Variants in CMYA5 observed in about 807,000 individuals in gnomAD.
The protein encoded by CMYA5 is cardiomyopathy associated 5, also known as cardiomyopathy-associated protein 5.
A neutral mutation model predicts 318.9 loss-of-function variants in CMYA5; 246 were observed. The ratio of observed to expected loss-of-function variants is 0.77; its 90% CI spans 0.70 to 0.86. CMYA5 has a LOEUF of 0.86. Among genes scored for constraint, CMYA5 ranks in the 40% least tolerant of loss-of-function variants. CMYA5 has a pLI of 0.00. For synonymous variants in CMYA5, 1,641 were observed against 1,729.5 expected, an observed-to-expected ratio of 0.95 and a Z score of 1.27; for missense variants, 4,589 against 4,678.2, an observed-to-expected ratio of 0.98 and a Z score of 0.56.
intron 9 of CMYA5, among the ~76,000 whole-genome samples, chr5:79,766,244 G>T (rs60431728): frequency 2.6e-4 from 39 of 152,026 alleles, no homozygotes; most frequent in African/African-American, 9.4e-4. Flanking sequence ...GATTACAGGC[G>T]CATGCCACCA....
rs1827952365 is a variant in CMYA5 at position 79,732,918 on chromosome 5, C to T, written c.4153C>T (p.Arg1385Cys). The T allele has an allele frequency of 2.5e-6, 4 of 1,613,702 alleles. No individual in the cohort carries two copies. Among genetic ancestry groups the T allele is most frequent in the Non-Finnish European group, 3.4e-6 (4 of 1,179,800 alleles). Residue 1385 changes from arginine to cysteine, a missense_variant, in exon 2 of 13, where the codon CGT (arginine) becomes TGT (cysteine). This residue lies in a region of CMYA5 where 2,132 missense variants were observed against 2,131.3 expected (regional missense o/e 1.00). Transcript: ENST00000446378. ...TTCATCTCTTATCACTCCTGTAGAT[C>T]GTCCAGTCTTAACAAAAGTAGGAAA... Reference protein sequence around the residue: ...TDSSLITPVDRPVLTKVGKGE... With the variant: ...TDSSLITPVDCPVLTKVGKGE...
rs150476322 is a variant in CMYA5, at chr5:79,797,173, C to T, written c.11964-2197C>T. Among the ~76,000 whole-genome samples the T allele has an allele frequency of 2.6e-5, 4 of 152,272 alleles. No individual in the cohort carries two copies. In the East Asian group the frequency reaches 5.8e-4, roughly 22 times the overall value. On this transcript the variant is annotated intron_variant, in intron 12 of 12. Transcript: ENST00000446378. ...TTGCCCTTTGGTTCTTCTCTGCTGT[C>T]GGACTGTTCACCAACCATCCATTTA...
rs374841201 is a variant in CMYA5, at chr5:79,732,844, A to G, written c.4079A>G (p.Lys1360Arg). 73 of 1,613,786 alleles carry G rather than the reference A, an allele frequency of 4.5e-5. No homozygotes were observed. In the African/African-American group the frequency reaches 8.5e-4, roughly 19 times the overall value. ...TCAACAACTACAGCATCTGTAACTA[A>G]GCTTGATTCAAACTTAACCAGAGCA... ...SSSTTTASVT[K>R]LDSNLTRAVK... is the part of the protein sequence containing the mutation. Residue 1360 changes from lysine to arginine, a missense_variant, in exon 2 of 13, where the codon AAG becomes AGG. Around this residue, in one of 3 missense-constraint regions of CMYA5, gnomAD observed 2,132 missense variants for 2,131.3 expected, o/e 1.00. Transcript: ENST00000446378.
At chr5:79,720,351 T>C (rs1020962264) in intron 1 of CMYA5, among the ~76,000 whole-genome samples, 1 of 150,892 alleles carries the variant, frequency 6.6e-6, no homozygotes, top group Non-Finnish European at 1.5e-5. Flanking sequence ...AGCCAACTTA[T>C]CAATACAAAC....
chr5:79,798,115 A>G (rs1352385091), intron 12 of CMYA5, among the ~76,000 whole-genome samples: 4 of 151,994 alleles, frequency 2.6e-5, no homozygotes, highest in African/African-American at 4.8e-5. Context: ...TTATCTCCCC[A>G]CCACCGTGAA....
intron 2 of CMYA5, among the ~76,000 whole-genome samples, chr5:79,741,135 C>T (rs1300797699): frequency 1.3e-5 from 2 of 152,212 alleles, no homozygotes; most frequent in Non-Finnish European, 2.9e-5. Flanking sequence ...TCTTTGGCCT[C>T]CCAAAGTGCT....
Position 79,732,130 on chromosome 5 carries a change from A to G in CMYA5, c.3365A>G (p.Glu1122Gly). ...KQKTQAYLEP[E>G]SEDLIPSHLT... ...AAAACTCAAGCATATTTAGAGCCTG[A>G]GTCTGAAGACTTGATTCCTTCACAT... The change falls in exon 2 of 13, where the codon GAG becomes GGG. Residue 1122 changes from glutamate to glycine, a missense_variant. Glu to Gly is a moderately conservative substitution (Grantham distance 98). This residue lies in a region of CMYA5 where 2,132 missense variants were observed against 2,131.3 expected (regional missense o/e 1.00). Transcript: ENST00000446378. 1 of 1,613,990 alleles carries G rather than the reference A, an allele frequency of 6.2e-7. No individual in the cohort carries two copies. The highest frequency in any genetic ancestry group is 8.5e-7 in the Non-Finnish European group (1 of 1,179,872).
At position 79,737,392 on chromosome 5, in the gene CMYA5, C is replaced by T. The variant is rs150027467; in HGVS notation, c.8627C>T (p.Ala2876Val). 238 of 1,613,810 alleles carry T rather than the reference C, an allele frequency of 1.5e-4. No individual in the cohort carries two copies. In the Admixed American group the frequency reaches 2.2e-3, roughly 15 times the overall value. The change falls in exon 2 of 13, where the codon GCG becomes GTG. Residue 2876 changes from alanine (A) to valine (V), a missense_variant. Ala to Val is a moderately conservative substitution (Grantham distance 64, BLOSUM62 0). This residue lies in a region of CMYA5 where 2,431 missense variants were observed against 2,495.1 expected (regional missense o/e 0.97). Coordinates refer to ENST00000446378, the MANE Select transcript of CMYA5 (RefSeq NM_153610.5). ...VLVSKHHLEA[A>V]EDTRVKEPLS... ...GTTTCAAAGCACCACTTGGAGGCTG[C>T]GGAAGATACCCGTGTAAAGGAACCA...
chr5:79,757,208 A>AAG (rs1298250628), intron 6 of CMYA5, among the ~76,000 whole-genome samples: 1 of 151,974 alleles, frequency 6.6e-6, no homozygotes, highest in Non-Finnish European at 1.5e-5. Context: ...AAAAAAAAAA[A>AAG]AAAGCATGCT....
rs1408947037 is a variant in CMYA5 at position 79,717,905 on chromosome 5, T to TTC, written c.150-11009_150-11008insCT. Among the ~76,000 whole-genome samples, 9 of 46,924 alleles carry TTC rather than the reference T, an allele frequency of 1.9e-4. 1 individual carries two copies. In the East Asian group the frequency reaches 0.01, roughly 52 times the overall value. The allele number at this position is 46,924 out of a possible 152,430, so 30.8% of individuals were successfully genotyped here. A position where few individuals can be genotyped will look rare whatever the true frequency, so the allele number is the denominator to read the frequency against. ...AGCTATTTTTTTTTTTTTTTTTTTT[T>TTC]TGAGACGGAGTCTCGCTCTGTCGCC... On this transcript the variant is annotated intron_variant, in intron 1 of 12. Transcript: ENST00000446378.
At chr5:79,706,777 T>C (rs890844121) in intron 1 of CMYA5, among the ~76,000 whole-genome samples, 1 of 152,208 alleles carries the variant, frequency 6.6e-6, no homozygotes, top group Admixed American at 6.5e-5. Flanking sequence ...CAACCTGGCA[T>C]TGTCTTTACA....
chr5:79,701,475 G>A lies in CMYA5; in HGVS notation c.149+11419G>A, dbSNP rs373117032. Among the ~76,000 whole-genome samples, 13 of 151,592 alleles carry A rather than the reference G, an allele frequency of 8.6e-5. No individual in the cohort carries two copies. The South Asian group carries it at 2.7e-3, about 31-fold the overall frequency. ...CACATGTACTGAGAAAATATGTACA[G>A]CTATTACATATCAATAAAAATAAAT... On this transcript the variant is annotated intron_variant, in intron 1 of 12. Transcript: ENST00000446378.
At chr5:79,711,948 C>T (rs187591521) in intron 1 of CMYA5, among the ~76,000 whole-genome samples, 21 of 152,336 alleles carry the variant, frequency 1.4e-4, no homozygotes. Context: ...TCTTCACTCC[C>T]TCTTCGCATA....
Position 79,730,401 on chromosome 5 carries a change from C to T in CMYA5, c.1636C>T (p.Pro546Ser). 1 of 1,613,862 alleles carries T rather than the reference C, an allele frequency of 6.2e-7. No individual in the cohort carries two copies. Among genetic ancestry groups the T allele is most frequent in the African/African-American group, 1.3e-5 (1 of 75,034 alleles). Residue 546 changes from proline to serine, a missense_variant, in exon 2 of 13, where the codon CCC (proline) becomes TCC (serine). By Grantham distance (74) the Pro-to-Ser change is moderately conservative. Coordinates refer to ENST00000446378, the MANE Select transcript of CMYA5 (RefSeq NM_153610.5). Reference protein sequence around the residue: ...YPESPLVSEKPFPPHMSPEVE... With the variant: ...YPESPLVSEKSFPPHMSPEVE... ...AGAAAGCCCATTGGTTTCCGAGAAG[C>T]CCTTCCCACCACATATGTCCCCTGA...
chr5:79,785,167 C>T (rs1044249763), intron 9 of CMYA5, among the ~76,000 whole-genome samples: 3 of 151,932 alleles, frequency 2.0e-5, no homozygotes, highest in Admixed American at 6.5e-5. Flanking sequence ...TCTATTGATC[C>T]ATCTATTTAT....
intron 1 of CMYA5, among the ~76,000 whole-genome samples, chr5:79,692,839 A>C (rs905222816): frequency 6.6e-6 from 1 of 152,236 alleles, no homozygotes; most frequent in African/African-American, 2.4e-5. Flanking sequence ...TTCAGTATAA[A>C]TAATGATCCT....
At chr5:79,705,947 C>A (rs1412137521) in intron 1 of CMYA5, among the ~76,000 whole-genome samples, 1 of 152,116 alleles carries the variant, frequency 6.6e-6, no homozygotes, top group Admixed American at 6.5e-5. Context: ...GGGACATGGA[C>A]GAGTGTCAGT....
intron 9 of CMYA5, among the ~76,000 whole-genome samples, chr5:79,766,786 C>T (rs559908702): frequency 6.6e-6 from 1 of 152,088 alleles, no homozygotes; most frequent in African/African-American, 2.4e-5. Flanking sequence ...TGTGTCTTTG[C>T]CAAGTTTTGG....
chr5:79,761,829 G>C lies in CMYA5; in HGVS notation c.11279G>C (p.Arg3760Thr). 6.2e-7 allele frequency: 1 copy of C among 1,613,522 alleles called. No homozygotes were observed. Among genetic ancestry groups the C allele is most frequent in the South Asian group, 1.1e-5 (1 of 90,926 alleles). Residue 3760 changes from arginine to threonine, a missense_variant, in exon 8 of 13, where the codon AGA becomes ACA. Physicochemically the swap from Arg to Thr is moderately conservative, Grantham distance 71. Transcript: ENST00000446378. ...ATGCTAGAGTTGGTAGAAGAATACA[G>C]ACTGACAGTGAAAGAAAGCTACTGC... The part of the protein sequence containing the change: ...QEVNELVEEY[R>T]LTVKESYCIF...
Sources: allele counts gnomAD v4.1 joint callset (sites outside exome capture counted in the v4.1 genomes callset), GRCh38; gene constraint gnomAD v4.1.1; regional missense constraint gnomAD v4.1.1; transcripts MANE v1.5; gene names NCBI Gene and HGNC (gene_info 2026-07-23, HGNC 2026-07-21).